PLGLB1: variants seen among roughly 807,000 people sequenced by gnomAD.
The protein encoded by PLGLB1 is plasminogen like B1.
At chr2:87,017,196 T>C (rs1432984894) in intron 2 of PLGLB1, among the ~76,000 whole-genome samples, 2 of 141,230 alleles carry the variant, frequency 1.4e-5, no homozygotes, top group Admixed American at 6.9e-5. Flanking sequence ...GGGCAGGCAC[T>C]GGATCTTGTA....
At position 87,017,639 on chromosome 2, in the gene PLGLB1, C is replaced by T. The variant is rs1304366527; in HGVS notation, c.99G>A (p.Leu33=). 2.1e-4 allele frequency: 12 copies of T among 57,996 alleles called. No individual in the cohort carries two copies. The East Asian group carries it at 4.0e-3, about 19-fold the overall frequency. The allele number at this position is 57,996 out of a possible 1,614,324, so 3.6% of individuals were successfully genotyped here. A position where few individuals can be genotyped will look rare whatever the true frequency, so the allele number is the denominator to read the frequency against. ...DDYVNTQGPS[L]FSVTKKQLGA... is the part of the protein sequence containing the mutation. ...CCAGCTGCTTCTTAGTGACACTGAA[C>T]AGTGAAGGCCCCTGGGTATTCACAT... The change falls in exon 2 of 4, where the codon CTG becomes CTA. Residue 33 remains leucine (L), a synonymous_variant. Coordinates refer to ENST00000355705, the MANE Select transcript of PLGLB1 (RefSeq NM_001032392.4).
At position 87,019,835 on chromosome 2, in the gene PLGLB1, TA is replaced by T. The variant is rs1295499226; in HGVS notation, c.49+1899del. ...AAACTGTTTTCTTTTTAATTTGAAA[TA>T]ATTTTCCCCCATTTTTTTTTTCTCT... On this transcript the variant is annotated intron_variant, in intron 1 of 3. Transcript: ENST00000355705. 2.1e-5 allele frequency among the ~76,000 whole-genome samples: 2 copies of T among 96,940 alleles called. 1 individual carries two copies. The highest frequency in any genetic ancestry group is 3.7e-5 in the Non-Finnish European group (2 of 53,672). 63.6% of individuals were successfully genotyped at this position (96,940 alleles called of 152,430 possible).
At chr2:87,013,347 C>G in intron 3 of PLGLB1, 1 of 104,454 alleles carries the variant, frequency 9.6e-6, no homozygotes, top group Non-Finnish European at 1.7e-5. Flanking sequence ...TTGAGCCCCA[C>G]CAGGATGCTG....
chr2:87,019,098 C>T (rs1156656463), intron 1 of PLGLB1, among the ~76,000 whole-genome samples: 1 of 111,608 alleles, frequency 9.0e-6, no homozygotes, highest in Admixed American at 8.6e-5. Flanking sequence ...CTGAAGACAG[C>T]GAGCCCTCCA....
intron 2 of PLGLB1, among the ~76,000 whole-genome samples, chr2:87,017,002 G>C (rs1187416098): frequency 7.9e-6 from 1 of 126,028 alleles, no homozygotes; most frequent in African/African-American, 3.1e-5. Flanking sequence ...TGCTTTTCAA[G>C]AGCTCTCTCA....
At chr2:87,017,050 C>A (rs1682348980) in intron 2 of PLGLB1, among the ~76,000 whole-genome samples, 2 of 141,528 alleles carry the variant, frequency 1.4e-5, no homozygotes, top group South Asian at 4.7e-4. Context: ...CCTCCCTGAG[C>A]CTTCTCTAGC....
rs1369160344 is a variant in PLGLB1, at chr2:87,010,838, G to A, written c.*2283C>T. Reference sequence around the variant, plus strand: ...AGGAGAATCGCTTGAACCCGGAGGCGGAGGTTGTGGTGAGCTGAGATCGCA... The same window carrying A: ...AGGAGAATCGCTTGAACCCGGAGGCAGAGGTTGTGGTGAGCTGAGATCGCA... On this transcript the variant is annotated 3_prime_UTR_variant, in exon 4 of 4. Coordinates refer to ENST00000355705, the MANE Select transcript of PLGLB1 (RefSeq NM_001032392.4). 1.5e-5 allele frequency among the ~76,000 whole-genome samples: 1 copy of A among 65,756 alleles called. No homozygotes were observed. The highest frequency in any genetic ancestry group is 1.3e-4 in the Admixed American group (1 of 7,784). 43.1% of individuals were successfully genotyped at this position (65,756 alleles called of 152,430 possible).
In PLGLB1 at chr2:87,020,796, C is replaced by CT. The variant is rs1333506694; in HGVS notation, c.49+938dup. On this transcript the variant is annotated intron_variant, in intron 1 of 3. Transcript: ENST00000355705. Reference sequence around the variant, plus strand: ...ATACATTAATTATATCTCAATAAAGCTTTTTTTTAAAAAAAGAAAAAGAAA... The same window carrying CT: ...ATACATTAATTATATCTCAATAAAGCTTTTTTTTTAAAAAAAGAAAAAGAAA... Among the ~76,000 whole-genome samples the CT allele has an allele frequency of 2.6e-4, 38 of 145,920 alleles. No homozygotes were observed. The East Asian group carries it at 3.5e-3, about 13-fold the overall frequency.
chr2:87,019,305 CA>C (rs1558821572), intron 1 of PLGLB1, among the ~76,000 whole-genome samples: 1 of 116,340 alleles, frequency 8.6e-6, no homozygotes. Context: ...AGTCCTCGGC[CA>C]AAGTCCCCCT....
chr2:87,018,494 T>G (rs1282020743), intron 1 of PLGLB1: 1 of 111,706 alleles, frequency 9.0e-6, no homozygotes, highest in Non-Finnish European at 1.7e-5. Flanking sequence ...TGTTGCCACC[T>G]TGGACAAAAA....
rs1384307026 is a variant in PLGLB1, at chr2:87,020,658, A to AG, written c.49+1076dup. Among the ~76,000 whole-genome samples the AG allele has an allele frequency of 3.1e-3, 356 of 115,450 alleles. 1 individual carries two copies. The highest frequency in any genetic ancestry group is 3.4e-3 in the Non-Finnish European group (205 of 59,976). 75.7% of individuals were successfully genotyped at this position (115,450 alleles called of 152,430 possible). On this transcript the variant is annotated intron_variant, in intron 1 of 3. Coordinates refer to ENST00000355705, the MANE Select transcript of PLGLB1 (RefSeq NM_001032392.4). ...CAGATCGGGGGTAACAGCTAAGGAG[A>AG]GTGGAGTGCGTTTTTGGGGGTATGA...
chr2:87,013,588 C>G (rs2104873063), intron 3 of PLGLB1: 1 of 62,388 alleles, frequency 1.6e-5, no homozygotes, highest in East Asian at 5.2e-4. Flanking sequence ...AGATCCAACC[C>G]ACTTCTATTT....
At position 87,017,599 on chromosome 2, in the gene PLGLB1, C is replaced by T. The variant is rs1293302459; in HGVS notation, c.139G>A (p.Glu47Lys). 2 of 74,124 alleles carry T rather than the reference C, an allele frequency of 2.7e-5. No homozygotes were observed. The highest frequency in any genetic ancestry group is 6.5e-4 in the East Asian group (2 of 3,060). The allele number at this position is 74,124 out of a possible 1,614,324, so 4.6% of individuals were successfully genotyped here. A position where few individuals can be genotyped will look rare whatever the true frequency, so the allele number is the denominator to read the frequency against. ...TKKQLGAGSREECAAKCEEDK... is the reference protein window; with the variant it reads ...TKKQLGAGSRKECAAKCEEDK... Reference sequence around the variant, plus strand: ...TCTTCACATTTTGCTGCACATTCTTCTCTGCTTCCTGCCCCCAGCTGCTTC... The same window carrying T: ...TCTTCACATTTTGCTGCACATTCTTTTCTGCTTCCTGCCCCCAGCTGCTTC... Residue 47 changes from glutamate (E) to lysine (K), a missense_variant, in exon 2 of 4, where the codon GAA becomes AAA. Glu to Lys is a moderately conservative substitution (Grantham distance 56). Coordinates refer to ENST00000355705, the MANE Select transcript of PLGLB1 (RefSeq NM_001032392.4).
chr2:87,017,186 G>A (rs1474185418), intron 2 of PLGLB1, among the ~76,000 whole-genome samples: 4 of 142,138 alleles, frequency 2.8e-5, no homozygotes, highest in African/African-American at 1.0e-4. Context: ...AAATACTGAA[G>A]GGCAGGCACT....
intron 3 of PLGLB1, 102 bp from the exon 4 acceptor site, chr2:87,013,221 C>T (rs1319068304): frequency 7.1e-6 from 1 of 141,410 alleles, no homozygotes; most frequent in African/African-American, 1.1e-4. Flanking sequence ...GCACCAGACC[C>T]CCTGTTTCTG....
At chr2:87,020,938 C>T (rs1341658839) in intron 1 of PLGLB1, among the ~76,000 whole-genome samples, 2 of 151,658 alleles carry the variant, frequency 1.3e-5, no homozygotes, top group African/African-American at 4.9e-5. Flanking sequence ...TTCTTTATTT[C>T]CCAGATTTGA....
chr2:87,020,815 AAAG>A (rs1682404585), intron 1 of PLGLB1, among the ~76,000 whole-genome samples: 1 of 147,072 alleles, frequency 6.8e-6, no homozygotes, highest in Non-Finnish European at 1.5e-5. Context: ...AAAAAAAGAA[AAAG>A]AAAAAGAACT....
Position 87,012,963 on chromosome 2 carries a change from CT to C in PLGLB1, c.*157del. ...AATCCCTCACAGACACAGACGGACA[CT>C]TTACAGTAGATGAACACAAAGATGA... is the stretch of plus-strand genomic sequence containing the variant. On this transcript the variant is annotated 3_prime_UTR_variant, in exon 4 of 4. Coordinates refer to ENST00000355705, the MANE Select transcript of PLGLB1 (RefSeq NM_001032392.4). The C allele has an allele frequency of 2.4e-6, 1 of 418,890 alleles. No individual in the cohort carries two copies. 25.9% of individuals were successfully genotyped at this position (418,890 alleles called of 1,614,324 possible).
chr2:87,019,830 T>C (rs1464035665), intron 1 of PLGLB1, among the ~76,000 whole-genome samples: 1 of 97,976 alleles, frequency 1.0e-5, no homozygotes, highest in African/African-American at 6.6e-5. Flanking sequence ...CTTTTTAATT[T>C]GAAATAATTT....
Sources: allele counts gnomAD v4.1 joint callset (sites outside exome capture counted in the v4.1 genomes callset), GRCh38; gene constraint gnomAD v4.1.1; transcripts MANE v1.5; gene names NCBI Gene and HGNC (gene_info 2026-07-23, HGNC 2026-07-21).